The following MYT1L variants were observed in gnomAD, a reference collection of about 807,000 sequenced individuals.
MYT1L encodes myelin transcription factor 1-like protein.
A neutral mutation model predicts 126.7 loss-of-function variants in MYT1L; 12 were observed. That is an observed-to-expected ratio of 0.09 (90% CI 0.06 to 0.15). The LOEUF (loss-of-function observed/expected upper bound fraction) is 0.15, where lower values mean the gene tolerates loss of function less well. Among genes scored for constraint, MYT1L ranks in the 10% least tolerant of loss-of-function variants. The pLI is 1.00. For missense variants in MYT1L, 979 were observed against 1,585.2 expected (o/e 0.62, Z 6.49); for synonymous variants, 541 against 604.2 (o/e 0.90, Z 1.53).
chr2:2,290,999 C>A (rs1423959854), intron 1 of MYT1L, among the ~76,000 whole-genome samples: 2 of 152,020 alleles, frequency 1.3e-5, no homozygotes, highest in African/African-American at 4.8e-5. Flanking sequence ...ACAACACCAG[C>A]CCACTCACCT....
intron 8 of MYT1L, among the ~76,000 whole-genome samples, chr2:1,967,401 A>AC (rs1346920592): frequency 6.6e-6 from 1 of 152,126 alleles, no homozygotes; most frequent in African/African-American, 2.4e-5. Flanking sequence ...TTGGGGATGT[A>AC]CCCAGATGCG....
chr2:2,054,432 G>A (rs996019986), intron 3 of MYT1L, among the ~76,000 whole-genome samples: 1 of 151,918 alleles, frequency 6.6e-6, no homozygotes, highest in Non-Finnish European at 1.5e-5. Flanking sequence ...AGCACATGGA[G>A]ATGAAACACT....
At chr2:2,170,374 T>A (rs71442319) in intron 3 of MYT1L, among the ~76,000 whole-genome samples, 6,567 of 152,314 alleles carry the variant, frequency 0.043, 161 homozygotes, top group Middle Eastern at 0.078. Context: ...CTACTGATGC[T>A]GTAAATAAAG....
At chr2:2,117,459 C>A (rs746520401) in intron 3 of MYT1L, among the ~76,000 whole-genome samples, 1 of 152,038 alleles carries the variant, frequency 6.6e-6, no homozygotes, top group Non-Finnish European at 1.5e-5. Context: ...GATCAGCAGG[C>A]GGACCGCCGT....
chr2:2,311,022 T>G (rs1043553941), intron 1 of MYT1L, among the ~76,000 whole-genome samples: 2 of 152,174 alleles, frequency 1.3e-5, no homozygotes, highest in Admixed American at 6.5e-5. Flanking sequence ...CTTTCCCCAA[T>G]TGGGTCAACC....
rs983460751 is a variant in MYT1L, at chr2:1,902,967, G to A, written c.2032+113C>T. 8.4e-6 allele frequency: 8 copies of A among 954,950 alleles called. No individual in the cohort carries two copies. In the African/African-American group the frequency reaches 1.1e-4, roughly 13 times the overall value. 59.2% of individuals were successfully genotyped at this position (954,950 alleles called of 1,614,324 possible). A position where few individuals can be genotyped will look rare whatever the true frequency, so the allele number is the denominator to read the frequency against. On this transcript the variant is annotated intron_variant, in intron 14 of 24. Coordinates refer to ENST00000647738, the MANE Select transcript of MYT1L (RefSeq NM_001303052.2). ...GTGCTATGAAAGTCCTGTTCTTTTG[G>A]TACCCATTGAGTGACCACCACCGCT...
At chr2:2,281,509 A>G (rs1343288315) in intron 2 of MYT1L, among the ~76,000 whole-genome samples, 1 of 152,182 alleles carries the variant, frequency 6.6e-6, no homozygotes, top group Non-Finnish European at 1.5e-5. Flanking sequence ...ATTCTTCCCA[A>G]CTAGCTCATG....
intron 2 of MYT1L, among the ~76,000 whole-genome samples, chr2:2,277,350 G>A (rs892814667): frequency 6.6e-6 from 1 of 152,172 alleles, no homozygotes; most frequent in African/African-American, 2.4e-5. Flanking sequence ...TTTGCACAAA[G>A]CATTTGCTCA....
intron 4 of MYT1L, among the ~76,000 whole-genome samples, chr2:2,003,767 C>A (rs953912644): frequency 6.6e-6 from 1 of 152,172 alleles, no homozygotes; most frequent in Admixed American, 6.5e-5. Flanking sequence ...TGGACCCCCA[C>A]TTTCCCTGAC....
chr2:1,960,066 A>T (rs1379516142), intron 8 of MYT1L, among the ~76,000 whole-genome samples: 1 of 152,208 alleles, frequency 6.6e-6, no homozygotes, highest in African/African-American at 2.4e-5. Flanking sequence ...TGTAAGATGG[A>T]GCACACGGGA....
At chr2:1,899,339 C>G (rs140329270) in intron 14 of MYT1L, among the ~76,000 whole-genome samples, 188 of 152,364 alleles carry the variant, frequency 1.2e-3, no homozygotes, top group African/African-American at 4.4e-3. Context: ...TTTCACACAG[C>G]TTTTATAGAT....
intron 4 of MYT1L, among the ~76,000 whole-genome samples, chr2:2,016,710 G>A (rs1229548668): frequency 6.6e-6 from 1 of 152,206 alleles, no homozygotes; most frequent in Admixed American, 6.5e-5. Context: ...CTGGCATGCT[G>A]GATAAGAAAA....
At chr2:1,985,844 A>C (rs1444110322) in intron 5 of MYT1L, among the ~76,000 whole-genome samples, 1 of 152,218 alleles carries the variant, frequency 6.6e-6, no homozygotes, top group Non-Finnish European at 1.5e-5. Context: ...CACCCAGGAT[A>C]GCACTAATTC....
intron 1 of MYT1L, among the ~76,000 whole-genome samples, chr2:2,292,798 T>C (rs2095618703): frequency 6.6e-6 from 1 of 152,124 alleles, no homozygotes; most frequent in African/African-American, 2.4e-5. Context: ...ATAAACTGTA[T>C]CTGACAAACT....
At chr2:2,244,368 A>G (rs1215121897) in intron 2 of MYT1L, among the ~76,000 whole-genome samples, 2 of 152,192 alleles carry the variant, frequency 1.3e-5, no homozygotes, top group Non-Finnish European at 2.9e-5. Context: ...AAAAATAATA[A>G]TCTCATAAAT....
At chr2:1,936,721 G>C (rs2055939403) in intron 9 of MYT1L, among the ~76,000 whole-genome samples, 1 of 152,112 alleles carries the variant, frequency 6.6e-6, no homozygotes, top group South Asian at 2.1e-4. Flanking sequence ...ATTTCCCTGA[G>C]AAAGACAGGA....
chr2:1,992,015 T>C (rs942735411), intron 5 of MYT1L, among the ~76,000 whole-genome samples: 5 of 152,214 alleles, frequency 3.3e-5, no homozygotes, highest in African/African-American at 9.6e-5. Flanking sequence ...TCAGCACTCC[T>C]TGCTGCCTCT....
intron 1 of MYT1L, among the ~76,000 whole-genome samples, chr2:2,291,812 A>G (rs1192579531): frequency 6.6e-6 from 1 of 152,194 alleles, no homozygotes; most frequent in Non-Finnish European, 1.5e-5. Flanking sequence ...AGCCCACATG[A>G]CCGGGTCTGA....
chr2:1,790,286 T>G lies in MYT1L; in HGVS notation c.*1581A>C, dbSNP rs2031833507. On this transcript the variant is annotated 3_prime_UTR_variant, in exon 25 of 25. Coordinates refer to ENST00000647738, the MANE Select transcript of MYT1L (RefSeq NM_001303052.2). ...ACAAAAATTTAAAGTACGTCTGTAC[T>G]TCCTGCATAACATCAAGACATGGAA... 6.6e-6 allele frequency: 1 copy of G among 152,190 alleles called. No homozygotes were observed. The highest frequency in any genetic ancestry group is 1.5e-5 in the Non-Finnish European group (1 of 68,040). The allele number at this position is 152,190 out of a possible 1,614,324, so 9.4% of individuals were successfully genotyped here. A position where few individuals can be genotyped will look rare whatever the true frequency, so the allele number is the denominator to read the frequency against.
Sources: gnomAD v4.1 joint callset for allele counts (sites outside exome capture counted in the v4.1 genomes callset) on GRCh38, gnomAD v4.1.1 for gene constraint, MANE v1.5 for transcripts, NCBI Gene and HGNC (gene_info 2026-07-23, HGNC 2026-07-21) for gene names.